The following TAOK1 variants were observed in gnomAD, a reference collection of about 807,000 sequenced individuals.
TAOK1 encodes the protein TAO kinase 1.
TAOK1 carries 21 observed loss-of-function variants against 138.3 expected under a neutral mutation model. That is an observed-to-expected ratio of 0.15 (90% CI 0.11 to 0.22). TAOK1 has a LOEUF of 0.22. Among genes scored for constraint, TAOK1 ranks in the 10% least tolerant of loss-of-function variants. The probability of loss-of-function intolerance (pLI) is 1.00; values close to 1 mark genes in which losing one functional copy is unlikely to be tolerated. For synonymous variants in TAOK1, 361 were observed against 398.4 expected (o/e 0.91, Z 1.12); for missense variants, 651 against 1,227.7 (o/e 0.53, Z 7.02).
At chr17:29,414,569 T>C in intron 1 of TAOK1, among the ~76,000 whole-genome samples, 1 of 148,466 alleles carries the variant, frequency 6.7e-6, no homozygotes, top group East Asian at 2.0e-4. Flanking sequence ...ATTTATTTAT[T>C]TATTTGAGAT....
intron 2 of TAOK1, among the ~76,000 whole-genome samples, chr17:29,453,662 C>T (rs567607968): frequency 1.2e-4 from 18 of 149,964 alleles, no homozygotes; most frequent in African/African-American, 3.4e-4. Flanking sequence ...CTGCAACCTC[C>T]GCCTCCCGGG....
chr17:29,453,844 G>C (rs1381856627), intron 2 of TAOK1, among the ~76,000 whole-genome samples: 1 of 147,664 alleles, frequency 6.8e-6, no homozygotes, highest in Non-Finnish European at 1.5e-5. Flanking sequence ...CTCTCACTCT[G>C]TTGCCCAGGC....
chr17:29,478,490 TA>T, intron 6 of TAOK1, 143 bp downstream of exon 6: 1 of 506,190 alleles, frequency 2.0e-6, no homozygotes. Flanking sequence ...TTTCATGTCC[TA>T]AAATGAACAT....
At chr17:29,519,488 C>T (rs1055843920) in intron 16 of TAOK1, among the ~76,000 whole-genome samples, 6 of 150,218 alleles carry the variant, frequency 4.0e-5, no homozygotes, top group East Asian at 2.0e-4. Flanking sequence ...TGCTGCACTC[C>T]GGTCTGGGCG....
intron 18 of TAOK1, among the ~76,000 whole-genome samples, chr17:29,533,183 C>CTGCAATCTCGGCACTTTGGGAGGCCAA (rs2032158510): frequency 6.8e-6 from 1 of 146,842 alleles, no homozygotes. Flanking sequence ...CGGGCAGAGG[C>CTGCAATCTCGGCACTTTGGGAGGCCAA]GCTCCTCACA....
At position 29,404,665 on chromosome 17, in the gene TAOK1, C is replaced by G. The variant is rs909865243; in HGVS notation, c.-95+13641C>G. Among the ~76,000 whole-genome samples the G allele has an allele frequency of 5.3e-5, 8 of 152,196 alleles. No individual in the cohort carries two copies. In the East Asian group the frequency reaches 1.2e-3, roughly 22 times the overall value. ...ATTAGCCAAGTACGGTGGCATGTGCCTGTGGTCCCAGCTACTCAGGAGGCT... is the reference window on the plus strand; with the variant it reads ...ATTAGCCAAGTACGGTGGCATGTGCGTGTGGTCCCAGCTACTCAGGAGGCT... On this transcript the variant is annotated intron_variant, in intron 1 of 19. Transcript: ENST00000261716.
At chr17:29,450,875 A>T (rs776730790) in intron 1 of TAOK1, among the ~76,000 whole-genome samples, 4 of 152,230 alleles carry the variant, frequency 2.6e-5, no homozygotes, top group Non-Finnish European at 4.4e-5. Context: ...GACAACTGCC[A>T]GGAAGTTTTC....
intron 12 of TAOK1, among the ~76,000 whole-genome samples, chr17:29,501,021 T>C (rs1281460556): frequency 6.6e-6 from 1 of 151,462 alleles, no homozygotes; most frequent in African/African-American, 2.4e-5. Context: ...CTGTTTGGGT[T>C]GATGAAAAAG....
chr17:29,528,968 CT>C (rs377040359), intron 17 of TAOK1, among the ~76,000 whole-genome samples: 2,290 of 126,884 alleles, frequency 0.018, 44 homozygotes, highest in African/African-American at 0.047. Context: ...GCTTTTATAT[CT>C]TTTTTTTTTT....
chr17:29,508,921 G>A (rs2031671461), intron 14 of TAOK1, among the ~76,000 whole-genome samples: 1 of 152,070 alleles, frequency 6.6e-6, no homozygotes, highest in Non-Finnish European at 1.5e-5. Context: ...CAAGTAGAAT[G>A]TAGACTTCTC....
Position 29,489,675 on chromosome 17 carries a change from C to G in TAOK1, c.667C>G (p.Pro223Ala), listed in dbSNP as rs769269621. The change falls in exon 9 of 20, where the codon CCT (proline) becomes GCT (alanine). Residue 223 changes from proline to alanine, a missense_variant. Around this residue, in one of 8 missense-constraint regions of TAOK1, gnomAD observed 20 missense variants for 88.6 expected, o/e 0.23. Coordinates refer to ENST00000261716, the MANE Select transcript of TAOK1 (RefSeq NM_020791.4). ...ITCIELAERK[P>A]PLFNMNAMSA... is the part of the protein sequence containing the mutation. ...CCTTTCTTTTACAGCGGAAAGGAAG[C>G]CTCCTTTATTTAATATGAATGCAAT... 1 of 1,606,696 alleles carries G rather than the reference C, an allele frequency of 6.2e-7. No individual in the cohort carries two copies. Among genetic ancestry groups the G allele is most frequent in the African/African-American group, 1.3e-5 (1 of 74,372 alleles).
chr17:29,403,101 C>T lies in TAOK1; in HGVS notation c.-95+12077C>T, dbSNP rs1235238432. On this transcript the variant is annotated intron_variant, in intron 1 of 19. Transcript: ENST00000261716. Reference sequence around the variant, plus strand: ...GCTTCAACCTGGGAGGTGGAGGTTGCAGTGAGCCAAGATTGTGCCATTGCA... The same window carrying T: ...GCTTCAACCTGGGAGGTGGAGGTTGTAGTGAGCCAAGATTGTGCCATTGCA... 6.9e-5 allele frequency among the ~76,000 whole-genome samples: 9 copies of T among 129,802 alleles called. No individual in the cohort carries two copies. The Admixed American group carries it at 8.7e-4, about 13-fold the overall frequency. 85.2% of individuals were successfully genotyped at this position (129,802 alleles called of 152,430 possible). A position where few individuals can be genotyped will look rare whatever the true frequency, so the allele number is the denominator to read the frequency against.
At chr17:29,494,543 A>G (rs1416960368) in intron 10 of TAOK1, among the ~76,000 whole-genome samples, 1 of 152,020 alleles carries the variant, frequency 6.6e-6, no homozygotes, top group Non-Finnish European at 1.5e-5. Flanking sequence ...GAATTCAAGG[A>G]TAGCTGGGCG....
At chr17:29,478,669 C>T (rs1206005985) in intron 6 of TAOK1, among the ~76,000 whole-genome samples, 3 of 152,122 alleles carry the variant, frequency 2.0e-5, no homozygotes, top group Non-Finnish European at 4.4e-5. Flanking sequence ...TTTTCTTTCT[C>T]ATTTTACCGG....
At chr17:29,420,592 T>TTTG (rs1905403449) in intron 1 of TAOK1, among the ~76,000 whole-genome samples, 1 of 150,652 alleles carries the variant, frequency 6.6e-6, no homozygotes, top group Non-Finnish European at 1.5e-5. Flanking sequence ...TCTGTTTTTT[T>TTTG]TTTTTTTTTT....
In TAOK1 at chr17:29,523,096, G is replaced by T. The variant is rs557294412; in HGVS notation, c.2148+577G>T. On this transcript the variant is annotated intron_variant, in intron 17 of 19. Coordinates refer to ENST00000261716, the MANE Select transcript of TAOK1 (RefSeq NM_020791.4). ...TCTCAAAAAAAAAAAAAAAAAAAAT[G>T]TACTCAAATGTCCAAGGCCAATATT... Among the ~76,000 whole-genome samples, 17 of 143,022 alleles carry T rather than the reference G, an allele frequency of 1.2e-4. No individual in the cohort carries two copies. In the Admixed American group the frequency reaches 1.2e-3, roughly 10 times the overall value. The allele number at this position is 143,022 out of a possible 152,430, so 93.8% of individuals were successfully genotyped here.
At position 29,451,431 on chromosome 17, in the gene TAOK1, C is replaced by CT. The variant is rs376059583; in HGVS notation, c.-94-15dup. On this transcript the variant is annotated intron_variant, in intron 1 of 19. Transcript: ENST00000261716. ...TCTTAGCAGTTTTTGCCTTTTCTGA[C>CT]TTTTTTTTTCTATTTTTCTACAGTA... 4.0e-3 allele frequency: 5,232 copies of CT among 1,292,666 alleles called. 21 individuals carry two copies. Among genetic ancestry groups the CT allele is most frequent in the Middle Eastern group, 0.017 (85 of 5,132 alleles). 80.1% of individuals were successfully genotyped at this position (1,292,666 alleles called of 1,614,324 possible). A position where few individuals can be genotyped will look rare whatever the true frequency, so the allele number is the denominator to read the frequency against.
chr17:29,411,092 T>C (rs1905131840), intron 1 of TAOK1, among the ~76,000 whole-genome samples: 1 of 136,880 alleles, frequency 7.3e-6, no homozygotes, highest in African/African-American at 2.7e-5. Context: ...TTTACTGTTT[T>C]TTTTTTTTTT....
chr17:29,519,154 C>A (rs1473821460), intron 16 of TAOK1, among the ~76,000 whole-genome samples: 2 of 152,120 alleles, frequency 1.3e-5, no homozygotes, highest in Non-Finnish European at 1.5e-5. Context: ...CCCTTAAATA[C>A]ATTTTTATCA....
Sources: gnomAD v4.1 joint callset for allele counts (sites outside exome capture counted in the v4.1 genomes callset) on GRCh38, gnomAD v4.1.1 for gene constraint, gnomAD v4.1.1 regional missense constraint, MANE v1.5 for transcripts, NCBI Gene and HGNC (gene_info 2026-07-23, HGNC 2026-07-21) for gene names.